Variants in CRAMP1 observed in about 807,000 individuals in gnomAD.
CRAMP1 encodes the protein cramped chromatin regulator 1, also known as protein cramped-like.
CRAMP1 carries 50 observed loss-of-function variants against 115.4 expected under a neutral mutation model. The ratio of observed to expected loss-of-function variants is 0.43; its 90% CI spans 0.35 to 0.55. The LOEUF (loss-of-function observed/expected upper bound fraction) is 0.55. Ranked by LOEUF, CRAMP1 falls within the 20% of genes least tolerant of loss-of-function variation. The pLI is 0.01. For missense variants in CRAMP1, 1,679 were observed against 1,721.7 expected, an observed-to-expected ratio of 0.98 and a Z score of 0.44; for synonymous variants, 866 against 745.4, an observed-to-expected ratio of 1.16 and a Z score of -2.64.
intron 11 of CRAMP1, among the ~76,000 whole-genome samples, 180 bp from the exon 12 acceptor site, chr16:1,662,310 A>T (rs997232282): frequency 2.0e-5 from 3 of 152,206 alleles, no homozygotes; most frequent in Non-Finnish European, 1.5e-5. Flanking sequence ...CAAGAATTTC[A>T]GTGAGAAGGA....
At chr16:1,630,089 A>T (rs1291017613) in intron 3 of CRAMP1, among the ~76,000 whole-genome samples, 1 of 152,086 alleles carries the variant, frequency 6.6e-6, no homozygotes, top group Non-Finnish European at 1.5e-5. Flanking sequence ...TTCCCTGAGG[A>T]TCTTGCTCCC....
intron 1 of CRAMP1, among the ~76,000 whole-genome samples, chr16:1,613,054 T>C (rs907062765): frequency 3.9e-5 from 6 of 151,974 alleles, no homozygotes; most frequent in Non-Finnish European, 5.9e-5. Context: ...TTTGTTTTGC[T>C]TGGGTCCCGG....
In CRAMP1 at chr16:1,675,955, A is replaced by G. The variant is rs528182571; in HGVS notation, c.*1910A>G. 12 of 152,260 alleles carry G rather than the reference A, an allele frequency of 7.9e-5. No homozygotes were observed. Among genetic ancestry groups the G allele is most frequent in the African/African-American group, 2.9e-4 (12 of 41,542 alleles). 9.4% of individuals were successfully genotyped at this position (152,260 alleles called of 1,614,324 possible). On this transcript the variant is annotated 3_prime_UTR_variant, in exon 21 of 21. Transcript: ENST00000397412. Reference sequence around the variant, plus strand: ...TCATTGAGCCAGAGAAGACAAGGAGATCTCCCTCTGGGCATCTGGCTTTGC... The same window carrying G: ...TCATTGAGCCAGAGAAGACAAGGAGGTCTCCCTCTGGGCATCTGGCTTTGC...
chr16:1,630,658 G>A (rs1031449376), intron 3 of CRAMP1, among the ~76,000 whole-genome samples: 3 of 152,296 alleles, frequency 2.0e-5, no homozygotes, highest in East Asian at 1.9e-4. Flanking sequence ...ACGCTGCGCC[G>A]CACTCGGCTG....
rs1005279991 is a variant in CRAMP1 at position 1,612,566 on chromosome 16, C to T, written c.-93C>T. 2 of 152,024 alleles carry T rather than the reference C, an allele frequency of 1.3e-5. No individual in the cohort carries two copies. The highest frequency in any genetic ancestry group is 2.9e-5 in the Non-Finnish European group (2 of 68,060). The allele number at this position is 152,024 out of a possible 1,614,324, so 9.4% of individuals were successfully genotyped here. A position where few individuals can be genotyped will look rare whatever the true frequency, so the allele number is the denominator to read the frequency against. Reference sequence around the variant, plus strand: ...CGTTGCGGCCTCCCTGCAGCCGGCGCTCGGGGGCCGGGGCTGCCCGGCCCG... The same window carrying T: ...CGTTGCGGCCTCCCTGCAGCCGGCGTTCGGGGGCCGGGGCTGCCCGGCCCG... On this transcript the variant is annotated 5_prime_UTR_variant, in exon 1 of 21. Transcript: ENST00000397412.
Position 1,660,039 on chromosome 16 carries a change from C to T in CRAMP1, c.2389C>T (p.Pro797Ser), listed in dbSNP as rs1306371639. The change falls in exon 11 of 21, where the codon CCC (proline) becomes TCC (serine). Residue 797 changes from proline (P) to serine (S), a missense_variant. Coordinates refer to ENST00000397412, the MANE Select transcript of CRAMP1 (RefSeq NM_020825.4). Reference sequence around the variant, plus strand: ...CCTCCGCAGCAGCAAGACCTTCCCGCCCAGCTCTGCACCCTGCTCCTCAGG... The same window carrying T: ...CCTCCGCAGCAGCAAGACCTTCCCGTCCAGCTCTGCACCCTGCTCCTCAGG... ...ASLRSSKTFP[P>S]SSAPCSSGLR... 6 of 1,594,050 alleles carry T rather than the reference C, an allele frequency of 3.8e-6. No individual in the cohort carries two copies. The South Asian group carries it at 5.6e-5, about 15-fold the overall frequency.
intron 6 of CRAMP1, among the ~76,000 whole-genome samples, chr16:1,648,967 G>A (rs1372571451): frequency 6.6e-6 from 1 of 152,066 alleles, no homozygotes; most frequent in Non-Finnish European, 1.5e-5. Flanking sequence ...GCTGAGGTAG[G>A]AGAATGGTGT....
chr16:1,653,201 A>G, intron 8 of CRAMP1, 45 bp downstream of exon 8: 1 of 1,584,814 alleles, frequency 6.3e-7, no homozygotes, highest in Non-Finnish European at 8.6e-7. Context: ...CTGCTTGAGC[A>G]GGACTGGAAG....
At position 1,641,159 on chromosome 16, in the gene CRAMP1, A is replaced by G. The variant is rs188107020; in HGVS notation, c.799A>G (p.Thr267Ala). 6.8e-5 allele frequency: 109 copies of G among 1,612,106 alleles called. 1 individual carries two copies. Among genetic ancestry groups the G allele is most frequent in the Non-Finnish European group, 8.1e-5 (96 of 1,178,180 alleles). ...IGGCMDDKNA[T>A]KLNELIQVGA... ...TAAAGGTATGGATGACAAGAATGCAACAAAGCTGAATGAACTCATTCAGGT... is the reference window on the plus strand; with the variant it reads ...TAAAGGTATGGATGACAAGAATGCAGCAAAGCTGAATGAACTCATTCAGGT... Residue 267 changes from threonine (T) to alanine (A), a missense_variant, in exon 6 of 21, where the codon ACA becomes GCA. By Grantham distance (58) the Thr-to-Ala change is moderately conservative. Coordinates refer to ENST00000397412, the MANE Select transcript of CRAMP1 (RefSeq NM_020825.4).
intron 6 of CRAMP1, 67 bp from the exon 7 acceptor site, chr16:1,652,429 T>C: frequency 7.1e-7 from 1 of 1,416,350 alleles, no homozygotes; most frequent in Non-Finnish European, 9.7e-7. Flanking sequence ...CGCCTCTCCG[T>C]GTGCTGGCCC....
rs567868970 is a variant in CRAMP1, at chr16:1,619,620, G to A, written c.346+4635G>A. ...AAATCTGCTGGTATTTCATGAAGAG[G>A]GCATACGCTTTTATACAAACAGTGG... On this transcript the variant is annotated intron_variant, in intron 2 of 20. Transcript: ENST00000397412. 3.9e-5 allele frequency among the ~76,000 whole-genome samples: 6 copies of A among 152,304 alleles called. 1 individual carries two copies. The South Asian group carries it at 1.2e-3, about 32-fold the overall frequency.
intron 4 of CRAMP1, 135 bp downstream of exon 4, chr16:1,632,500 C>A: frequency 1.1e-6 from 1 of 892,130 alleles, no homozygotes; most frequent in Non-Finnish European, 1.7e-6. Flanking sequence ...GGGCTCCTCG[C>A]CTTGCAGCGC....
chr16:1,651,394 C>T (rs967654917), intron 6 of CRAMP1, among the ~76,000 whole-genome samples: 7 of 150,802 alleles, frequency 4.6e-5, no homozygotes, highest in Non-Finnish European at 8.9e-5. Context: ...TGAGAGGTCA[C>T]GGAGAGGTGG....
Position 1,656,189 on chromosome 16 carries a change from CCTG to C in CRAMP1, c.1434_1436del (p.Ala480del), listed in dbSNP as rs372276759. The C allele has an allele frequency of 8.9e-5, 143 of 1,602,054 alleles. No homozygotes were observed. The African/African-American group carries it at 1.7e-3, about 19-fold the overall frequency. ...GGGCAAGGGTGTGGGGCGGCCCCCT[CCTG>C]CGGCTGACGCCTTGCAGAGCTCCGG... On this transcript the variant is annotated inframe_deletion, in exon 10 of 21. Coordinates refer to ENST00000397412, the MANE Select transcript of CRAMP1 (RefSeq NM_020825.4). This position sits in a 1 kb window ranked among gnomAD's most constrained non-coding sequence, Gnocchi z 5.6.
rs199878911 is a variant in CRAMP1 at position 1,659,944 on chromosome 16, C to T, written c.2294C>T (p.Ser765Leu). The change falls in exon 11 of 21, where the codon TCG becomes TTG. Residue 765 changes from serine (S) to leucine (L), a missense_variant. Transcript: ENST00000397412. ...GTAAGGCCCGCCCAGGAGGAGCAGTCGATGACGCCCCCAGGGAAGGTGGTG... is the reference window on the plus strand; with the variant it reads ...GTAAGGCCCGCCCAGGAGGAGCAGTTGATGACGCCCCCAGGGAAGGTGGTG... ...ASVRPAQEEQ[S>L]MTPPGKVVTV... is the part of the protein sequence containing the mutation. The T allele has an allele frequency of 4.9e-3, 7,934 of 1,611,898 alleles. 25 individuals are homozygous for T. Among genetic ancestry groups the T allele is most frequent in the Non-Finnish European group, 6.2e-3 (7,286 of 1,179,826 alleles).
chr16:1,642,028 C>T (rs2036636856), intron 6 of CRAMP1, among the ~76,000 whole-genome samples: 1 of 152,194 alleles, frequency 6.6e-6, no homozygotes, highest in South Asian at 2.1e-4. Flanking sequence ...TCCATCCCGC[C>T]CACTGACCAC....
At position 1,656,152 on chromosome 16, in the gene CRAMP1, G is replaced by A. The variant is rs577863309; in HGVS notation, c.1395G>A (p.Arg465=). The change falls in exon 10 of 21, where the codon CGG becomes CGA. Residue 465 remains arginine, a synonymous_variant. Coordinates refer to ENST00000397412, the MANE Select transcript of CRAMP1 (RefSeq NM_020825.4). This position sits in a 1 kb window ranked among gnomAD's most constrained non-coding sequence, Gnocchi z 5.6. ...GTARGQVKCP[R]SGAEGKGVGR... is the part of the protein sequence containing the mutation. ...CCCGGGGCCAGGTGAAATGCCCGCG[G>A]AGCGGAGCTGAGGGCAAGGGTGTGG... 1.7e-4 allele frequency: 276 copies of A among 1,607,222 alleles called. 4 individuals carry two copies. The South Asian group carries it at 2.8e-3, about 16-fold the overall frequency.
At chr16:1,640,493 C>T (rs2036622978) in intron 5 of CRAMP1, among the ~76,000 whole-genome samples, 1 of 152,130 alleles carries the variant, frequency 6.6e-6, no homozygotes, top group Non-Finnish European at 1.5e-5. Flanking sequence ...CTAAAACATG[C>T]AGAAGAATTC....
chr16:1,658,652 C>G (rs1372306029), intron 10 of CRAMP1, among the ~76,000 whole-genome samples: 1 of 152,138 alleles, frequency 6.6e-6, no homozygotes, highest in Non-Finnish European at 1.5e-5. Flanking sequence ...GACAAGCACC[C>G]CAAAAGGCCC....
Sources: gnomAD v4.1 joint callset for allele counts (sites outside exome capture counted in the v4.1 genomes callset) on GRCh38, gnomAD v4.1.1 for gene constraint, Gnocchi (gnomAD v3.1) non-coding constraint, MANE v1.5 for transcripts, NCBI Gene and HGNC (gene_info 2026-07-23, HGNC 2026-07-21) for gene names.